GABRG3: variants seen among roughly 807,000 people sequenced by gnomAD.
GABRG3 encodes the protein gamma-aminobutyric acid receptor subunit gamma-3.
A neutral mutation model predicts 48.8 loss-of-function variants in GABRG3; 25 were observed. That is an observed-to-expected ratio of 0.51 (90% confidence interval 0.37 to 0.72). The LOEUF is 0.72. Among genes scored for constraint, GABRG3 ranks in the 30% least tolerant of loss-of-function variants. The pLI, the probability that GABRG3 is intolerant of heterozygous loss-of-function variation, is 0.00. For synonymous variants in GABRG3, 227 were observed against 217.6 expected, an observed-to-expected ratio of 1.04 and a Z score of -0.38; for missense variants, 394 against 577.9, an observed-to-expected ratio of 0.68 and a Z score of 3.26.
intron 3 of GABRG3, among the ~76,000 whole-genome samples, chr15:27,042,232 G>A (rs917089586): frequency 5.3e-5 from 8 of 152,124 alleles, no homozygotes; most frequent in African/African-American, 1.9e-4. Flanking sequence ...AGAAGCTCCC[G>A]AATCCCCACC....
rs546443947 is a variant in GABRG3 at position 27,110,987 on chromosome 15, TTC to T, written c.270+84172_270+84173del. On this transcript the variant is annotated intron_variant, in intron 3 of 9. Coordinates refer to ENST00000615808, the MANE Select transcript of GABRG3 (RefSeq NM_033223.5). Reference sequence around the variant, plus strand: ...TACTTCAAATATTCCTTCTGCTTCATTCTCTCTTTATTCTCCTACTGGTGTTC... The same window carrying T: ...TACTTCAAATATTCCTTCTGCTTCATTCTCTTTATTCTCCTACTGGTGTTC... Among the ~76,000 whole-genome samples the T allele has an allele frequency of 4.8e-4, 73 of 152,336 alleles. 1 individual carries two copies. The highest frequency in any genetic ancestry group is 1.9e-3 in the Admixed American group (29 of 15,302).
At chr15:27,287,463 A>T (rs1891650105) in intron 3 of GABRG3, among the ~76,000 whole-genome samples, 2 of 152,192 alleles carry the variant, frequency 1.3e-5, no homozygotes, top group Admixed American at 6.5e-5. Flanking sequence ...TTGGGTGAGG[A>T]TATGCAAAAA....
chr15:27,098,317 C>A (rs1897299520), intron 3 of GABRG3, among the ~76,000 whole-genome samples: 2 of 152,106 alleles, frequency 1.3e-5, no homozygotes, highest in African/African-American at 4.8e-5. Context: ...ATCTATAGTT[C>A]CAGCTACTCG....
intron 5 of GABRG3, among the ~76,000 whole-genome samples, chr15:27,387,881 G>GGA (rs1895979689): frequency 2.0e-5 from 1 of 49,874 alleles, no homozygotes; most frequent in African/African-American, 7.9e-5. Flanking sequence ...GAGGGAGGGA[G>GGA]GGGAAGGAGG....
chr15:27,294,111 T>C (rs180753076), intron 3 of GABRG3, among the ~76,000 whole-genome samples: 9 of 152,090 alleles, frequency 5.9e-5, no homozygotes, highest in Admixed American at 4.6e-4. Flanking sequence ...AGCATTCCAG[T>C]AAGAAGGGAG....
intron 3 of GABRG3, among the ~76,000 whole-genome samples, chr15:27,107,316 G>A (rs757603513): frequency 1.1e-4 from 16 of 151,902 alleles, no homozygotes; most frequent in Non-Finnish European, 1.9e-4. Flanking sequence ...GGGTAGAATC[G>A]TATGGTTTTT....
intron 3 of GABRG3, among the ~76,000 whole-genome samples, chr15:27,121,127 C>A (rs1310754480): frequency 6.6e-6 from 1 of 152,154 alleles, no homozygotes; most frequent in African/African-American, 2.4e-5. Context: ...GGCATTCTTA[C>A]AGAGTAGCTT....
chr15:26,976,804 A>G lies in GABRG3; in HGVS notation c.54-198A>G, dbSNP rs1894957182. ...AAAAACATACCATGTTAATAGCAGT[A>G]GCATTCTTCCTATGGAATCATTCGT... On this transcript the variant is annotated intron_variant, in intron 1 of 9. Coordinates refer to ENST00000615808, the MANE Select transcript of GABRG3 (RefSeq NM_033223.5). The surrounding 1 kb of genome is among the most constrained non-coding windows in gnomAD (Gnocchi z 7.8). 6.6e-6 allele frequency among the ~76,000 whole-genome samples: 1 copy of G among 152,192 alleles called. No homozygotes were observed. Among genetic ancestry groups the G allele is most frequent in the African/African-American group, 2.4e-5 (1 of 41,440 alleles).
Position 27,328,899 on chromosome 15 carries a change from G to T in GABRG3, c.574+11G>T. 1 of 1,611,972 alleles carries T rather than the reference G, an allele frequency of 6.2e-7. No individual in the cohort carries two copies. Among genetic ancestry groups the T allele is most frequent in the South Asian group, 1.1e-5 (1 of 91,032 alleles). ...TGATTTTCTCCAGCTGTGAGTACCAGTCCAAGCCCGGGGTGTGCATGCTGT... is the reference window on the plus strand; with the variant it reads ...TGATTTTCTCCAGCTGTGAGTACCATTCCAAGCCCGGGGTGTGCATGCTGT... On this transcript the variant is annotated intron_variant, in intron 5 of 9. Transcript: ENST00000615808.
intron 5 of GABRG3, among the ~76,000 whole-genome samples, chr15:27,342,138 C>A (rs1000746015): frequency 6.6e-6 from 1 of 152,228 alleles, no homozygotes; most frequent in Non-Finnish European, 1.5e-5. Context: ...TCCCACTGGC[C>A]TGACACAGGC....
At chr15:27,164,722 G>T (rs962634801) in intron 3 of GABRG3, among the ~76,000 whole-genome samples, 2 of 152,216 alleles carry the variant, frequency 1.3e-5, no homozygotes, top group African/African-American at 4.8e-5. Flanking sequence ...ATGATGATGA[G>T]ATTTACGTCG....
intron 3 of GABRG3, among the ~76,000 whole-genome samples, chr15:27,119,899 G>T (rs1897702858): frequency 6.6e-6 from 1 of 152,210 alleles, no homozygotes; most frequent in African/African-American, 2.4e-5. Context: ...ACATCTGCTA[G>T]CAAGGCAGAG....
At chr15:27,434,237 G>T (rs1194478378) in intron 5 of GABRG3, among the ~76,000 whole-genome samples, 2 of 152,288 alleles carry the variant, frequency 1.3e-5, no homozygotes, top group Non-Finnish European at 2.9e-5. Context: ...CATTTAGTGT[G>T]TTTTAAGTTT....
At position 27,232,539 on chromosome 15, in the gene GABRG3, G is replaced by A. The variant is rs570906989; in HGVS notation, c.271-94270G>A. ...TCAGTTAGGACCAAGGAAGAGACCC[G>A]GGATACTTCAGTGCCTTGGGGTAAA... On this transcript the variant is annotated intron_variant, in intron 3 of 9. Transcript: ENST00000615808. 5.3e-5 allele frequency among the ~76,000 whole-genome samples: 8 copies of A among 152,222 alleles called. No homozygotes were observed. The East Asian group carries it at 9.7e-4, about 18-fold the overall frequency.
intron 5 of GABRG3, among the ~76,000 whole-genome samples, chr15:27,379,339 G>C (rs1895694228): frequency 6.6e-6 from 1 of 152,106 alleles, no homozygotes; most frequent in Non-Finnish European, 1.5e-5. Flanking sequence ...CTTTACAACA[G>C]TATTACCAAT....
intron 2 of GABRG3, among the ~76,000 whole-genome samples, chr15:27,014,604 T>C (rs1006515586): frequency 6.6e-6 from 1 of 152,304 alleles, no homozygotes; most frequent in Non-Finnish European, 1.5e-5. Context: ...TTTTCCTGTT[T>C]TGCTTTCCTG....
chr15:27,361,646 T>TAAGC (rs990272137), intron 5 of GABRG3, among the ~76,000 whole-genome samples: 1 of 152,162 alleles, frequency 6.6e-6, no homozygotes, highest in African/African-American at 2.4e-5. Flanking sequence ...GGACCAGGCA[T>TAAGC]AAGCACACTA....
In GABRG3 at chr15:27,333,890, AAATT is replaced by A. The variant is rs199695988; in HGVS notation, c.574+5005_574+5008del. ...TGTGTCTTAATATATTTTATGGAAA[AAATT>A]AAATAAAAAGGCAAAATACAAATTT... is the stretch of plus-strand genomic sequence containing the variant. On this transcript the variant is annotated intron_variant, in intron 5 of 9. Coordinates refer to ENST00000615808, the MANE Select transcript of GABRG3 (RefSeq NM_033223.5). Among the ~76,000 whole-genome samples, 1,208 of 152,334 alleles carry A rather than the reference AAATT, an allele frequency of 7.9e-3. 14 individuals are homozygous for A. Among genetic ancestry groups the A allele is most frequent in the African/African-American group, 0.028 (1,149 of 41,570 alleles).
chr15:27,164,609 C>A (rs1887314075), intron 3 of GABRG3, among the ~76,000 whole-genome samples: 1 of 152,172 alleles, frequency 6.6e-6, no homozygotes, highest in Non-Finnish European at 1.5e-5. Flanking sequence ...CCCTCCTATT[C>A]AATTTGATGT....
Sources: gnomAD v4.1 joint callset for allele counts (sites outside exome capture counted in the v4.1 genomes callset) on GRCh38, gnomAD v4.1.1 for gene constraint, Gnocchi (gnomAD v3.1) non-coding constraint, MANE v1.5 for transcripts, NCBI Gene and HGNC (gene_info 2026-07-23, HGNC 2026-07-21) for gene names.